Variants in TAF4 observed in about 807,000 individuals in gnomAD.
The protein encoded by TAF4 is TATA-box binding protein associated factor 4, also known as transcription initiation factor TFIID subunit 4.
TAF4 carries 9 observed loss-of-function variants against 90.3 expected under a neutral mutation model. That is an observed-to-expected ratio of 0.10 (90% CI 0.06 to 0.17). TAF4 has a LOEUF of 0.17. Ranked by LOEUF, TAF4 falls within the 10% of genes least tolerant of loss-of-function variation. The pLI is 1.00. For synonymous variants in TAF4, 818 were observed against 638.9 expected, an observed-to-expected ratio of 1.28 and a Z score of -4.23; for missense variants, 1,351 against 1,370.7, an observed-to-expected ratio of 0.99 and a Z score of 0.23.
chr20:61,999,129 C>T, intron 11 of TAF4, 21 bp from the exon 12 acceptor site: 1 of 1,612,800 alleles, frequency 6.2e-7, no homozygotes, highest in Non-Finnish European at 8.5e-7. Context: ...AGTTAAAATA[C>T]TGCTTGTCAT....
At chr20:61,992,020 C>T (rs6061945) in intron 14 of TAF4, among the ~76,000 whole-genome samples, 1 of 152,172 alleles carries the variant, frequency 6.6e-6, no homozygotes, top group African/African-American at 2.4e-5. Flanking sequence ...AAAAACAGAC[C>T]TTCAGGTACA....
intron 1 of TAF4, among the ~76,000 whole-genome samples, chr20:62,048,172 T>A (rs1477571420): frequency 6.6e-6 from 1 of 152,230 alleles, no homozygotes; most frequent in Non-Finnish European, 1.5e-5. Context: ...CCTAGCACCT[T>A]CCCACACAGG....
At chr20:62,049,854 ACACCATCGT>A (rs2056016480) in intron 1 of TAF4, among the ~76,000 whole-genome samples, 1 of 152,106 alleles carries the variant, frequency 6.6e-6, no homozygotes, top group African/African-American at 2.4e-5. Flanking sequence ...AGGTTTCACG[ACACCATCGT>A]CACAAAGACT....
At chr20:62,001,238 G>C (rs1214651513) in intron 9 of TAF4, among the ~76,000 whole-genome samples, 1 of 152,200 alleles carries the variant, frequency 6.6e-6, no homozygotes, top group Non-Finnish European at 1.5e-5. Context: ...ACCGGGCCAT[G>C]ATGAATGGCC....
intron 14 of TAF4, among the ~76,000 whole-genome samples, chr20:61,989,473 C>A (rs373566352): frequency 2.6e-4 from 39 of 152,168 alleles, no homozygotes; most frequent in African/African-American, 7.7e-4. Context: ...GGGGTCCCGG[C>A]ACCCACAGCA....
chr20:62,060,869 C>T (rs1427092985), intron 1 of TAF4, among the ~76,000 whole-genome samples: 8 of 152,180 alleles, frequency 5.3e-5, no homozygotes, highest in Non-Finnish European at 1.2e-4. Flanking sequence ...ACCTCAGTCA[C>T]TGAGAAAACA....
chr20:61,997,554 G>C lies in TAF4; in HGVS notation c.3086C>G (p.Ala1029Gly). 6.3e-7 allele frequency: 1 copy of C among 1,595,976 alleles called. No homozygotes were observed. The highest frequency in any genetic ancestry group is 8.5e-7 in the Non-Finnish European group (1 of 1,172,632). ...KVDCPGPGSG[A>G]EGSGPGSVVP... ...GATCCCACAACACTGCCGTACCTCT[G>C]CTCCTGAGCCCGGCCCCGGACAGTC... Residue 1029 changes from alanine (A) to glycine (G), a missense_variant, in exon 14 of 15, where the codon GCA becomes GGA. Ala to Gly is a moderately conservative substitution (Grantham distance 60). This residue lies in a region of TAF4 where 48 missense variants were observed against 50.6 expected (regional missense o/e 0.95). Transcript: ENST00000252996.
At chr20:62,027,360 C>T in intron 1 of TAF4, among the ~76,000 whole-genome samples, 1 of 152,220 alleles carries the variant, frequency 6.6e-6, no homozygotes. Flanking sequence ...CCTACACAGT[C>T]CCTCCTCCCC....
At chr20:61,982,426 C>T (rs2055554030) in intron 14 of TAF4, among the ~76,000 whole-genome samples, 1 of 143,014 alleles carries the variant, frequency 7.0e-6, no homozygotes, top group Non-Finnish European at 1.5e-5. Flanking sequence ...AGAGGAGACA[C>T]CAAAACCCAC....
At chr20:62,004,264 G>A (rs2055728517) in intron 7 of TAF4, among the ~76,000 whole-genome samples, 2 of 151,412 alleles carry the variant, frequency 1.3e-5, no homozygotes, top group South Asian at 4.2e-4. Flanking sequence ...AGGTGACATT[G>A]TTGCCTGGTG....
At chr20:62,064,298 C>T (rs73915552) in intron 1 of TAF4, 153 bp downstream of exon 1, 10,657 of 915,172 alleles carry the variant, frequency 0.012, 355 homozygotes, top group African/African-American at 0.11. Context: ...CCGGGCTGGC[C>T]CCGCACCTGG....
intron 3 of TAF4, among the ~76,000 whole-genome samples, chr20:62,011,684 G>C (rs913917069): frequency 6.6e-6 from 1 of 152,132 alleles, no homozygotes; most frequent in Admixed American, 6.5e-5. Context: ...TGCCCCTGGA[G>C]TCCACACCCC....
intron 14 of TAF4, chr20:61,980,541 G>A (rs571243179): frequency 1.3e-5 from 2 of 152,500 alleles, no homozygotes; most frequent in Admixed American, 1.3e-4. Flanking sequence ...TTTACGGGGT[G>A]TCACACACAC....
At chr20:61,977,879 G>A (rs928410552) in intron 14 of TAF4, among the ~76,000 whole-genome samples, 3 of 152,166 alleles carry the variant, frequency 2.0e-5, no homozygotes, top group African/African-American at 7.2e-5. Context: ...TATAAATTCC[G>A]GACTGTGTTT....
chr20:62,027,052 A>G (rs1213145105), intron 1 of TAF4, among the ~76,000 whole-genome samples: 4 of 152,238 alleles, frequency 2.6e-5, no homozygotes, highest in African/African-American at 9.6e-5. Context: ...GCAAATCAAC[A>G]CAAAAGAAAT....
chr20:62,060,004 ACT>A (rs1035397561), intron 1 of TAF4, among the ~76,000 whole-genome samples: 4 of 152,176 alleles, frequency 2.6e-5, no homozygotes, highest in African/African-American at 9.7e-5. Flanking sequence ...TCTCCATTCC[ACT>A]CTGATTTCGG....
intron 14 of TAF4, among the ~76,000 whole-genome samples, chr20:61,979,680 C>A (rs1351823966): frequency 9.9e-5 from 14 of 140,792 alleles, no homozygotes; most frequent in South Asian, 2.3e-4. Context: ...GGACTGCGGC[C>A]CGTGCAGGCG....
intron 1 of TAF4, among the ~76,000 whole-genome samples, chr20:62,033,672 G>C (rs1399323126): frequency 1.3e-5 from 2 of 151,982 alleles, no homozygotes; most frequent in South Asian, 2.1e-4. Flanking sequence ...GGGAGGCAGA[G>C]GTTGCAGTGA....
intron 14 of TAF4, among the ~76,000 whole-genome samples, chr20:61,994,956 C>A (rs76306540): frequency 0.013 from 1,970 of 152,276 alleles, 19 homozygotes; most frequent in Non-Finnish European, 0.021. Flanking sequence ...AAGCCTAAAG[C>A]CAAACCCAGA....
Sources: allele counts gnomAD v4.1 joint callset (sites outside exome capture counted in the v4.1 genomes callset), GRCh38; gene constraint gnomAD v4.1.1; regional missense constraint gnomAD v4.1.1; transcripts MANE v1.5; gene names NCBI Gene and HGNC (gene_info 2026-07-23, HGNC 2026-07-21).